The following ZCCHC14 variants were observed in gnomAD, a reference collection of about 807,000 sequenced individuals.
The protein encoded by ZCCHC14 is zinc finger CCHC-type containing 14, also known as zinc finger CCHC domain-containing protein 14.
ZCCHC14 carries 16 observed loss-of-function variants against 85.0 expected under a neutral mutation model. The ratio of observed to expected loss-of-function variants is 0.19; its 90% CI spans 0.13 to 0.29. The LOEUF (loss-of-function observed/expected upper bound fraction) is 0.29. ZCCHC14 is among the 10% of genes least tolerant of loss of function. ZCCHC14 has a pLI of 1.00. For missense variants in ZCCHC14, 1,303 were observed against 1,443.5 expected, an observed-to-expected ratio of 0.90 and a Z score of 1.58; for synonymous variants, 775 against 630.7, an observed-to-expected ratio of 1.23 and a Z score of -3.43.
chr16:87,414,154 A>T (rs1052209997), intron 10 of ZCCHC14, among the ~76,000 whole-genome samples: 2 of 151,006 alleles, frequency 1.3e-5, no homozygotes, highest in Non-Finnish European at 2.9e-5. Flanking sequence ...CCTGCCCGGC[A>T]CACGGGCCCT....
In ZCCHC14 at chr16:87,411,658, C is replaced by G; in HGVS notation, c.3063G>C (p.Gly1021=). 1.9e-6 allele frequency: 3 copies of G among 1,614,014 alleles called. No individual in the cohort carries two copies. The highest frequency in any genetic ancestry group is 2.5e-6 in the Non-Finnish European group (3 of 1,179,972). The change falls in exon 12 of 13, where the codon GGG becomes GGC. Residue 1021 remains glycine (G), a synonymous_variant. Transcript: ENST00000671377. ...CCACCAGTCCTTGGGTCTGGTACAC[C>G]CCTGCTGTCCCTGCCATGAAGTTCT... ...PMQNFMAGTA[G]VYQTQGLVGS... is the part of the protein sequence containing the mutation.
Position 87,411,695 on chromosome 16 carries a change from A to C in ZCCHC14, c.3026T>G (p.Val1009Gly), listed in dbSNP as rs373522682. 1.2e-6 allele frequency: 2 copies of C among 1,613,958 alleles called. No homozygotes were observed. Among genetic ancestry groups the C allele is most frequent in the Non-Finnish European group, 8.5e-7 (1 of 1,179,996 alleles). ...TGCCATGAAGTTCTGCATGGGTGGC[A>C]CGGCAAACGTGGACTGCCCACTCAG... ...PVLSGQSTFA[V>G]PPMQNFMAGT... Residue 1009 changes from valine to glycine, a missense_variant, in exon 12 of 13, where the codon GTG (valine) becomes GGG (glycine). This residue lies in a region of ZCCHC14 where 797 missense variants were observed against 730.8 expected (regional missense o/e 1.09). Coordinates refer to ENST00000671377, the MANE Select transcript of ZCCHC14 (RefSeq NM_015144.3).
chr16:87,467,074 A>C, intron 1 of ZCCHC14: 4 of 460,238 alleles, frequency 8.7e-6, no homozygotes, highest in Non-Finnish European at 1.6e-5. Context: ...CTAAAGAGAC[A>C]GGGTCCCGCT....
chr16:87,424,347 C>T (rs556839129), intron 3 of ZCCHC14, among the ~76,000 whole-genome samples: 1 of 152,296 alleles, frequency 6.6e-6, no homozygotes, highest in East Asian at 1.9e-4. Flanking sequence ...AGGCCCTGCT[C>T]TCAGGACACT....
At chr16:87,460,557 G>T (rs1044825393) in intron 1 of ZCCHC14, among the ~76,000 whole-genome samples, 1 of 152,158 alleles carries the variant, frequency 6.6e-6, no homozygotes, top group Admixed American at 6.5e-5. Context: ...AGGCGTGATG[G>T]CAAGTGCCTA....
At position 87,491,632 on chromosome 16, in the gene ZCCHC14, C is replaced by T; in HGVS notation, c.570+37G>A. On this transcript the variant is annotated intron_variant, in intron 1 of 12. Transcript: ENST00000671377. This position sits in a 1 kb window ranked among gnomAD's most constrained non-coding sequence, Gnocchi z 5.9. The stretch of plus-strand genomic sequence containing the variant: ...TGGAGTGCAGAGTTGGGGATGCAGA[C>T]TTGGGGTACAGGGCAGAGCTCGGGG... 2 of 1,371,688 alleles carry T rather than the reference C, an allele frequency of 1.5e-6. No homozygotes were observed. Among genetic ancestry groups the T allele is most frequent in the Non-Finnish European group, 9.4e-7 (1 of 1,066,256 alleles). The allele number at this position is 1,371,688 out of a possible 1,614,324, so 85.0% of individuals were successfully genotyped here.
chr16:87,441,927 G>C (rs543263545), intron 2 of ZCCHC14, among the ~76,000 whole-genome samples: 13 of 152,334 alleles, frequency 8.5e-5, no homozygotes, highest in African/African-American at 2.9e-4. Context: ...GCGATTCCAG[G>C]TGGGGTGACA....
intron 2 of ZCCHC14, among the ~76,000 whole-genome samples, chr16:87,440,846 C>T (rs1368324446): frequency 2.0e-5 from 3 of 151,736 alleles, no homozygotes; most frequent in Non-Finnish European, 2.9e-5. Context: ...AACTCCTGGA[C>T]TCAAGTGATC....
At chr16:87,477,120 CAAAAAA>C (rs769416913) in intron 1 of ZCCHC14, among the ~76,000 whole-genome samples, 1 of 40,640 alleles carries the variant, frequency 2.5e-5, no homozygotes, top group East Asian at 6.9e-4. Context: ...GACTCAGTCT[CAAAAAA>C]AAAAAAAAAA....
intron 3 of ZCCHC14, among the ~76,000 whole-genome samples, chr16:87,428,030 A>G (rs1055345417): frequency 6.6e-6 from 1 of 151,108 alleles, no homozygotes; most frequent in Admixed American, 6.6e-5. Flanking sequence ...CTCCTGCCTC[A>G]GCTGCCTACA....
rs113757097 is a variant in ZCCHC14 at position 87,492,463 on chromosome 16, G to A, written c.-225C>T. The stretch of plus-strand genomic sequence containing the variant: ...AGGGGCCGGCGGGCGGGCGCGCGCG[G>A]GGCGCCGGGGGGGCCCGGGGCGGCC... On this transcript the variant is annotated 5_prime_UTR_variant, in exon 1 of 13. Transcript: ENST00000671377. The surrounding 1 kb of genome is among the most constrained non-coding windows in gnomAD (Gnocchi z 6.7). 4.8e-5 allele frequency: 7 copies of A among 145,094 alleles called. No homozygotes were observed. Among genetic ancestry groups the A allele is most frequent in the African/African-American group, 1.7e-4 (7 of 40,554 alleles). The allele number at this position is 145,094 out of a possible 1,614,324, so 9.0% of individuals were successfully genotyped here.
chr16:87,446,356 C>A (rs1910436643), intron 2 of ZCCHC14, among the ~76,000 whole-genome samples: 1 of 151,874 alleles, frequency 6.6e-6, no homozygotes, highest in African/African-American at 2.4e-5. Flanking sequence ...TGGTAGCACG[C>A]ACCTGTAATC....
intron 1 of ZCCHC14, among the ~76,000 whole-genome samples, chr16:87,461,106 C>T (rs1016068325): frequency 3.3e-5 from 5 of 152,204 alleles, no homozygotes; most frequent in Admixed American, 3.3e-4. Context: ...AGGTGACGGC[C>T]GCCCCCAAGC....
chr16:87,427,784 A>T (rs551457786), intron 3 of ZCCHC14, among the ~76,000 whole-genome samples: 2 of 146,986 alleles, frequency 1.4e-5, no homozygotes, highest in East Asian at 3.9e-4. Context: ...AATATAGGTG[A>T]GTGCCACAAT....
chr16:87,474,934 G>A (rs1567541340), intron 1 of ZCCHC14, among the ~76,000 whole-genome samples: 1 of 152,220 alleles, frequency 6.6e-6, no homozygotes. Context: ...TCTGGAGTTT[G>A]AGTCCAGCCA....
chr16:87,452,641 C>A (rs1331560157), intron 2 of ZCCHC14, among the ~76,000 whole-genome samples: 1 of 152,080 alleles, frequency 6.6e-6, no homozygotes, highest in Non-Finnish European at 1.5e-5. Context: ...ACCAGCTGCA[C>A]AGGGATGACA....
chr16:87,451,985 G>A (rs573546856), intron 2 of ZCCHC14, among the ~76,000 whole-genome samples: 11 of 152,354 alleles, frequency 7.2e-5, no homozygotes, highest in African/African-American at 2.2e-4. Flanking sequence ...CTCCCTGCAC[G>A]GCACGGGGCT....
At chr16:87,411,119 G>T (rs1002231372) in intron 12 of ZCCHC14, among the ~76,000 whole-genome samples, 2 of 152,264 alleles carry the variant, frequency 1.3e-5, no homozygotes, top group African/African-American at 4.8e-5. Context: ...CGGCAGGGAG[G>T]GGCAGAGGGG....
intron 2 of ZCCHC14, among the ~76,000 whole-genome samples, chr16:87,442,382 T>A (rs892244239): frequency 3.3e-5 from 5 of 151,730 alleles, no homozygotes; most frequent in African/African-American, 1.2e-4. Flanking sequence ...TGAGTCAGAG[T>A]CTCGTATCAT....
Sources: allele counts gnomAD v4.1 joint callset (sites outside exome capture counted in the v4.1 genomes callset), GRCh38; gene constraint gnomAD v4.1.1; regional missense constraint gnomAD v4.1.1; non-coding constraint Gnocchi (gnomAD v3.1); transcripts MANE v1.5; gene names NCBI Gene and HGNC (gene_info 2026-07-23, HGNC 2026-07-21).